The following USP45 variants were observed in gnomAD, a reference collection of about 807,000 sequenced individuals.
USP45 encodes ubiquitin carboxyl-terminal hydrolase 45.
In USP45, 89 loss-of-function variants were observed where a neutral mutation model predicts 95.8. The observed-to-expected ratio is 0.93, with a 90% CI of 0.78 to 1.11. The LOEUF (loss-of-function observed/expected upper bound fraction) is 1.11. Among genes scored for constraint, USP45 ranks in the 50% least tolerant of loss-of-function variants. USP45 has a pLI of 0.00. For missense variants in USP45, 898 were observed against 942.5 expected (o/e 0.95, Z 0.62); for synonymous variants, 281 against 316.2 (o/e 0.89, Z 1.18).
At position 99,445,827 on chromosome 6, in the gene USP45, GTTTGT is replaced by G; in HGVS notation, c.1940_1944del (p.Asn647ThrfsTer20). On this transcript the variant is annotated frameshift_variant, in exon 14 of 18. Transcript: ENST00000500704. LOFTEE classifies it high-confidence loss of function. ...AAACTGGTTTCTTCTTGGTACTTCT[GTTTGT>G]TTTTAGTACAATTCTCACATAGAAG... 2.5e-6 allele frequency: 4 copies of G among 1,584,490 alleles called. No homozygotes were observed. Among genetic ancestry groups the G allele is most frequent in the Non-Finnish European group, 2.6e-6 (3 of 1,169,858 alleles).
chr6:99,514,829 T>G (rs922414172), intron 1 of USP45: 5 of 152,194 alleles, frequency 3.3e-5, no homozygotes, highest in Admixed American at 3.3e-4. Flanking sequence ...TCACAAATAT[T>G]AACCCACGCA....
intron 5 of USP45, among the ~76,000 whole-genome samples, chr6:99,496,356 CTCAGATGGAGTT>C (rs1216937426): frequency 6.6e-6 from 1 of 151,416 alleles, no homozygotes; most frequent in Non-Finnish European, 1.5e-5. Flanking sequence ...TAATATTATA[CTCAGATGGAGTT>C]TCAGATCCCA....
rs897461658 is a variant in USP45, at chr6:99,434,586, T to C, written c.*1130A>G. 4 of 152,134 alleles carry C rather than the reference T, an allele frequency of 2.6e-5. No individual in the cohort carries two copies. The highest frequency in any genetic ancestry group is 9.7e-5 in the African/African-American group (4 of 41,426). The allele number at this position is 152,134 out of a possible 1,614,324, so 9.4% of individuals were successfully genotyped here. On this transcript the variant is annotated 3_prime_UTR_variant, in exon 18 of 18. Transcript: ENST00000500704. The stretch of plus-strand genomic sequence containing the variant: ...GGAAAAATGATATTTTTGCTATTAT[T>C]TAAAAAGAAAATCAAAAATGCCAGC...
chr6:99,475,618 A>G (rs921237851), intron 9 of USP45, among the ~76,000 whole-genome samples: 18 of 152,046 alleles, frequency 1.2e-4, no homozygotes, highest in African/African-American at 4.3e-4. Context: ...GCCTGGCCCC[A>G]ATTCCTTTTT....
Position 99,433,544 on chromosome 6 carries a change from TTAAG to T in USP45, c.*2168_*2171del, listed in dbSNP as rs1486410366. On this transcript the variant is annotated 3_prime_UTR_variant, in exon 18 of 18. Transcript: ENST00000500704. ...TACAAAAGCTATCTTTAGGAAATTC[TTAAG>T]TATCAAAAATCCAATTTATTCCATT... 1.3e-5 allele frequency: 2 copies of T among 152,532 alleles called. No individual in the cohort carries two copies. Among genetic ancestry groups the T allele is most frequent in the African/African-American group, 4.8e-5 (2 of 41,470 alleles). 9.4% of individuals were successfully genotyped at this position (152,532 alleles called of 1,614,324 possible).
rs957723300 is a variant in USP45, at chr6:99,465,142, A to G, written c.1108-6T>C. The G allele has an allele frequency of 6.3e-7, 1 of 1,587,694 alleles. No homozygotes were observed. Among genetic ancestry groups the G allele is most frequent in the Non-Finnish European group, 8.6e-7 (1 of 1,164,272 alleles). ...GGATCTTTCACCGTGGAGATCTTAA[A>G]AGGAAAACACATTGAAAACTTCAGT... is the stretch of plus-strand genomic sequence containing the variant. On this transcript the variant is annotated splice_polypyrimidine_tract_variant and splice_region_variant and intron_variant, in intron 11 of 17. Transcript: ENST00000500704.
intron 13 of USP45, among the ~76,000 whole-genome samples, chr6:99,452,228 T>C (rs750400630): frequency 6.6e-6 from 1 of 152,062 alleles, no homozygotes; most frequent in Non-Finnish European, 1.5e-5. Context: ...GAAACTACCA[T>C]CAGAGTGAAC....
chr6:99,470,169 T>A (rs188701888), intron 9 of USP45, among the ~76,000 whole-genome samples: 1 of 152,112 alleles, frequency 6.6e-6, no homozygotes, highest in Non-Finnish European at 1.5e-5. Context: ...ATCAGAAATA[T>A]TGTCAACACC....
chr6:99,440,527 G>A (rs1230773318), intron 15 of USP45, among the ~76,000 whole-genome samples: 2 of 152,152 alleles, frequency 1.3e-5, no homozygotes, highest in Non-Finnish European at 2.9e-5. Flanking sequence ...AATGGACTCT[G>A]TTGGAATGAA....
intron 9 of USP45, among the ~76,000 whole-genome samples, chr6:99,471,749 G>T (rs1451346406): frequency 6.6e-6 from 1 of 152,130 alleles, no homozygotes; most frequent in Non-Finnish European, 1.5e-5. Context: ...ATTACTAAAA[G>T]ATTCTGGTGG....
chr6:99,462,841 G>A lies in USP45; in HGVS notation c.1308+1763C>T, dbSNP rs141709043. ...CTACAAAAAATAACAAAAATTAGCC[G>A]GGCATGGTGGTGTGCACATGTAGTC... is the stretch of plus-strand genomic sequence containing the variant. On this transcript the variant is annotated intron_variant, in intron 13 of 17. Transcript: ENST00000500704. 376 of 257,306 alleles carry A rather than the reference G, an allele frequency of 1.5e-3. 2 individuals carry two copies. The highest frequency in any genetic ancestry group is 8.3e-3 in the African/African-American group (361 of 43,298). The allele number at this position is 257,306 out of a possible 1,614,324, so 15.9% of individuals were successfully genotyped here.
intron 15 of USP45, among the ~76,000 whole-genome samples, 156 bp from the exon 16 acceptor site, chr6:99,440,011 A>C (rs974192925): frequency 1.3e-5 from 2 of 151,612 alleles, no homozygotes; most frequent in Non-Finnish European, 2.9e-5. Context: ...TAAATTAAAA[A>C]TTAGGTTTCA....
At chr6:99,484,618 G>A (rs1793380451) in intron 7 of USP45, among the ~76,000 whole-genome samples, 1 of 151,964 alleles carries the variant, frequency 6.6e-6, no homozygotes, top group Non-Finnish European at 1.5e-5. Context: ...GGCAACATAG[G>A]GAGACTCCGT....
chr6:99,469,586 C>T (rs1177681495), intron 9 of USP45, among the ~76,000 whole-genome samples: 1 of 149,940 alleles, frequency 6.7e-6, no homozygotes, highest in East Asian at 2.0e-4. Context: ...TTCAAGTGAT[C>T]CTACTGCCTC....
In USP45 at chr6:99,478,053, G is replaced by C. The variant is rs915718105; in HGVS notation, c.846-1823C>G. ...TTCACTAGCCAAGTGGTAGGTAGGA[G>C]GAGGGGGCAGTTTATGGCTTTCAAA... On this transcript the variant is annotated intron_variant, in intron 8 of 17. Transcript: ENST00000500704. 2.0e-5 allele frequency among the ~76,000 whole-genome samples: 3 copies of C among 152,276 alleles called. No individual in the cohort carries two copies. The East Asian group carries it at 5.8e-4, about 29-fold the overall frequency.
intron 8 of USP45, among the ~76,000 whole-genome samples, chr6:99,479,661 T>G (rs1264139064): frequency 6.8e-6 from 1 of 146,002 alleles, no homozygotes; most frequent in Non-Finnish European, 1.5e-5. Context: ...AAAATCCATT[T>G]CTTAATAAGA....
chr6:99,483,748 G>A (rs1793020711), intron 7 of USP45, among the ~76,000 whole-genome samples: 1 of 137,456 alleles, frequency 7.3e-6, no homozygotes, highest in African/African-American at 2.8e-5. Flanking sequence ...TGAGGCAGGA[G>A]AATGGCGTGA....
intron 7 of USP45, among the ~76,000 whole-genome samples, chr6:99,485,804 C>A (rs9483935): frequency 0.16 from 24,347 of 152,000 alleles, 2,362 homozygotes; most frequent in East Asian, 0.28. Flanking sequence ...GGGTTTGTAA[C>A]AAGAATACAG....
Position 99,454,423 on chromosome 6 carries a change from A to C in USP45, c.1309-7960T>G, listed in dbSNP as rs557742320. On this transcript the variant is annotated intron_variant, in intron 13 of 17. Transcript: ENST00000500704. ...GGTAATGATTTTATGGAGACCTCAA[A>C]AGCACAGGCAACAAAAACAAATGGG... Among the ~76,000 whole-genome samples, 88 of 152,300 alleles carry C rather than the reference A, an allele frequency of 5.8e-4. No homozygotes were observed. In the South Asian group the frequency reaches 0.017, roughly 29 times the overall value.
Sources: gnomAD v4.1 joint callset for allele counts (sites outside exome capture counted in the v4.1 genomes callset) on GRCh38, gnomAD v4.1.1 for gene constraint, MANE v1.5 for transcripts, NCBI Gene and HGNC (gene_info 2026-07-23, HGNC 2026-07-21) for gene names.